ST3GAL3: variants seen among roughly 807,000 people sequenced by gnomAD.
ST3GAL3 encodes ST3 beta-galactoside alpha-2,3-sialyltransferase 3.
Under a neutral mutation model 50.1 loss-of-function variants are expected in ST3GAL3, and 21 were observed. The observed-to-expected ratio is 0.42, with a 90% CI of 0.30 to 0.60. ST3GAL3 has a LOEUF of 0.60. Ranked by LOEUF, ST3GAL3 falls within the 20% of genes least tolerant of loss-of-function variation. ST3GAL3 has a pLI of 0.19. For missense variants in ST3GAL3, 353 were observed against 489.4 expected (o/e 0.72, Z 2.63); for synonymous variants, 183 against 190.0 (o/e 0.96, Z 0.30).
At chr1:43,788,314 G>GA (rs2057605154) in intron 2 of ST3GAL3, among the ~76,000 whole-genome samples, 1 of 152,176 alleles carries the variant, frequency 6.6e-6, no homozygotes, top group African/African-American at 2.4e-5. Flanking sequence ...ATTGCAATTG[G>GA]AAAAATACTT....
intron 9 of ST3GAL3, among the ~76,000 whole-genome samples, chr1:43,916,313 C>T (rs544403612): frequency 6.6e-6 from 1 of 152,280 alleles, no homozygotes; most frequent in African/African-American, 2.4e-5. Flanking sequence ...AAGACCTGCC[C>T]TGGAAGTGGT....
chr1:43,819,310 C>T (rs1415846433), intron 4 of ST3GAL3: 1 of 152,234 alleles, frequency 6.6e-6, no homozygotes, highest in Admixed American at 6.5e-5. Context: ...TCAGGCTTGT[C>T]TCAAGCTCCT....
intron 9 of ST3GAL3, among the ~76,000 whole-genome samples, chr1:43,916,244 G>A (rs999855159): frequency 2.6e-5 from 4 of 152,224 alleles, no homozygotes; most frequent in Admixed American, 2.0e-4. Flanking sequence ...GTGTTCAGCA[G>A]TCAAAAAGAC....
intron 5 of ST3GAL3, among the ~76,000 whole-genome samples, chr1:43,875,731 G>A (rs1251355353): frequency 6.6e-6 from 1 of 152,070 alleles, no homozygotes; most frequent in Non-Finnish European, 1.5e-5. Flanking sequence ...AGAACTGTGA[G>A]TTGATTAAAC....
chr1:43,887,047 G>C (rs1000201778), intron 5 of ST3GAL3, among the ~76,000 whole-genome samples: 2 of 152,160 alleles, frequency 1.3e-5, no homozygotes, highest in African/African-American at 4.8e-5. Context: ...AGCTGAGGGA[G>C]TACCTATCTG....
intron 5 of ST3GAL3, among the ~76,000 whole-genome samples, chr1:43,885,788 A>G (rs2075886076): frequency 1.3e-5 from 2 of 152,194 alleles, no homozygotes; most frequent in Admixed American, 1.3e-4. Context: ...GCCACCTCAC[A>G]GGGGATGAAC....
At chr1:43,889,910 A>G (rs528205756) in intron 5 of ST3GAL3, among the ~76,000 whole-genome samples, 1 of 152,356 alleles carries the variant, frequency 6.6e-6, no homozygotes, top group East Asian at 1.9e-4. Context: ...CTTTTCAGAA[A>G]ATTAATTCCC....
At position 43,884,533 on chromosome 1, in the gene ST3GAL3, C is replaced by G. The variant is rs1005375810; in HGVS notation, c.303-9850C>G. On this transcript the variant is annotated intron_variant, in intron 5 of 11. Transcript: ENST00000347631. ...GATCCCAAGCAAGACCATGTAGACT[C>G]TAGAACACCTATCTCCCTACGTTAT... Among the ~76,000 whole-genome samples, 26 of 152,312 alleles carry G rather than the reference C, an allele frequency of 1.7e-4. No homozygotes were observed. The Middle Eastern group carries it at 0.014, about 80-fold the overall frequency.
intron 9 of ST3GAL3, among the ~76,000 whole-genome samples, chr1:43,911,713 G>A (rs1247472242): frequency 6.8e-6 from 1 of 147,468 alleles, no homozygotes; most frequent in Non-Finnish European, 1.5e-5. Context: ...TTTTAGACAA[G>A]GTCTGGCTAT....
chr1:43,778,417 C>T (rs1558257634), intron 2 of ST3GAL3, among the ~76,000 whole-genome samples: 1 of 152,164 alleles, frequency 6.6e-6, no homozygotes, highest in East Asian at 1.9e-4. Flanking sequence ...TACCCCAGAA[C>T]TTAAAAGCTG....
At position 43,899,671 on chromosome 1, in the gene ST3GAL3, G is replaced by A. The variant is rs775202249; in HGVS notation, c.688G>A (p.Gly230Ser). ...YERDSLFVLA[G>S]FKWQDFKWLK... ...GCGCGATTCTCTCTTTGTCCTCGCC[G>A]GCTTCAAGTGGCAGGACTTTAAGTG... The change falls in exon 9 of 12, where the codon GGC (glycine) becomes AGC (serine). Residue 230 changes from glycine to serine, a missense_variant. Transcript: ENST00000347631. The surrounding 1 kb of genome is among the most constrained non-coding windows in gnomAD (Gnocchi z 5.4). 13 of 1,613,986 alleles carry A rather than the reference G, an allele frequency of 8.1e-6. No individual in the cohort carries two copies. Among genetic ancestry groups the A allele is most frequent in the African/African-American group, 2.7e-5 (2 of 74,908 alleles).
chr1:43,815,619 AGACT>A (rs1244688784), intron 4 of ST3GAL3, among the ~76,000 whole-genome samples: 2 of 152,208 alleles, frequency 1.3e-5, no homozygotes, highest in Non-Finnish European at 2.9e-5. Flanking sequence ...TTCAAATCCC[AGACT>A]GACCTTTATT....
chr1:43,873,312 AAG>A lies in ST3GAL3; in HGVS notation c.303-21066_303-21065del, dbSNP rs1024641547. ...CCAGCACAGGTGTGAGTATGAGAGA[AAG>A]AGAGTAATTTAGGCCAACTAAAAGT... On this transcript the variant is annotated intron_variant, in intron 5 of 11. Coordinates refer to ENST00000347631, the MANE Select transcript of ST3GAL3 (RefSeq NM_006279.5). Among the ~76,000 whole-genome samples the A allele has an allele frequency of 5.0e-4, 76 of 152,294 alleles. 1 individual carries two copies. The highest frequency in any genetic ancestry group is 1.7e-3 in the African/African-American group (71 of 41,552).
intron 5 of ST3GAL3, among the ~76,000 whole-genome samples, chr1:43,845,705 TG>T (rs532451096): frequency 6.6e-4 from 101 of 152,212 alleles, no homozygotes; most frequent in African/African-American, 2.4e-3. Flanking sequence ...ATTTATTATT[TG>T]TTTTTTTTTC....
At chr1:43,830,370 G>A (rs1009763384) in intron 4 of ST3GAL3, among the ~76,000 whole-genome samples, 2 of 152,010 alleles carry the variant, frequency 1.3e-5, no homozygotes, top group African/African-American at 4.8e-5. Context: ...CTTTCATTTT[G>A]CTTGTAAAAA....
chr1:43,812,586 G>A (rs111555308), intron 3 of ST3GAL3, among the ~76,000 whole-genome samples: 7,593 of 152,216 alleles, frequency 0.05, 623 homozygotes, highest in African/African-American at 0.17. Flanking sequence ...CTCAGCCTCT[G>A]GAGTAGCTGG....
At position 43,925,061 on chromosome 1, in the gene ST3GAL3, G is replaced by A. The variant is rs1224325577; in HGVS notation, c.1038+4133G>A. Among the ~76,000 whole-genome samples the A allele has an allele frequency of 5.3e-5, 8 of 152,072 alleles. 1 individual carries two copies. The highest frequency in any genetic ancestry group is 4.1e-4 in the South Asian group (2 of 4,822). ...TCCCAGCACTTTGGGAAGCTGAGGC[G>A]GGTGGATCACCTGGGGTCAGGAGTT... On this transcript the variant is annotated intron_variant, in intron 11 of 11. Coordinates refer to ENST00000347631, the MANE Select transcript of ST3GAL3 (RefSeq NM_006279.5).
At chr1:43,798,260 G>A (rs1012862250) in intron 3 of ST3GAL3, among the ~76,000 whole-genome samples, 3 of 152,104 alleles carry the variant, frequency 2.0e-5, no homozygotes, top group African/African-American at 7.2e-5. Flanking sequence ...CTCCTGACTG[G>A]CCTGTCTGTG....
intron 1 of ST3GAL3, among the ~76,000 whole-genome samples, chr1:43,712,020 C>T (rs188648917): frequency 3.5e-4 from 53 of 152,246 alleles, no homozygotes; most frequent in Admixed American, 1.4e-3. Flanking sequence ...CTGGTTGGAG[C>T]CCTGGTTCAG....
Sources: allele counts gnomAD v4.1 joint callset (sites outside exome capture counted in the v4.1 genomes callset), GRCh38; gene constraint gnomAD v4.1.1; non-coding constraint Gnocchi (gnomAD v3.1); transcripts MANE v1.5; gene names NCBI Gene and HGNC (gene_info 2026-07-23, HGNC 2026-07-21).